Variants in FRMPD1 observed in about 807,000 individuals in gnomAD.
The protein encoded by FRMPD1 is FERM and PDZ domain containing 1, also known as FERM and PDZ domain-containing protein 1.
A neutral mutation model predicts 117.8 loss-of-function variants in FRMPD1; 76 were observed. That is an observed-to-expected ratio of 0.65 (90% CI 0.54 to 0.78). The LOEUF (loss-of-function observed/expected upper bound fraction) is 0.78, where lower values mean the gene tolerates loss of function less well. Ranked by LOEUF, FRMPD1 falls within the 30% of genes least tolerant of loss-of-function variation. The probability of loss-of-function intolerance (pLI) is 0.00; values close to 1 mark genes in which losing one functional copy is unlikely to be tolerated. For synonymous variants in FRMPD1, 783 were observed against 770.4 expected (o/e 1.02, Z -0.27); for missense variants, 1,786 against 1,964.5 (o/e 0.91, Z 1.72).
At chr9:37,685,524 C>A (rs866268238) in intron 1 of FRMPD1, among the ~76,000 whole-genome samples, 6 of 151,564 alleles carry the variant, frequency 4.0e-5, no homozygotes, top group Non-Finnish European at 8.8e-5. Flanking sequence ...TGGTGGCGGG[C>A]GCCTGTAGTC....
the FRMPD1 span, among the ~76,000 whole-genome samples, chr9:37,611,284 C>CT: frequency 1.3e-5 from 2 of 152,064 alleles, no homozygotes; most frequent in Non-Finnish European, 2.9e-5. Flanking sequence ...GTTCACAGAC[C>CT]CTGAAATTGT....
chr9:37,658,441 A>G (rs1237361398), intron 1 of FRMPD1, among the ~76,000 whole-genome samples: 2 of 152,044 alleles, frequency 1.3e-5, no homozygotes, highest in African/African-American at 4.8e-5. Flanking sequence ...TAGGTGCTGT[A>G]TTTTTTCCTG....
intron 2 of FRMPD1, among the ~76,000 whole-genome samples, chr9:37,693,794 C>T (rs1822229781): frequency 6.6e-6 from 1 of 152,194 alleles, no homozygotes; most frequent in Non-Finnish European, 1.5e-5. Flanking sequence ...TCTTTCACCC[C>T]TTGGACCTGG....
chr9:37,618,106 ATGAGGTGCCACTGCTC>A, the FRMPD1 span, among the ~76,000 whole-genome samples: 1 of 152,204 alleles, frequency 6.6e-6, no homozygotes, highest in African/African-American at 2.4e-5. Flanking sequence ...AGGACTGCAA[ATGAGGTGCCACTGCTC>A]TGAGGTGCCA....
At chr9:37,722,110 T>C (rs1003974392) in intron 6 of FRMPD1, among the ~76,000 whole-genome samples, 3 of 152,202 alleles carry the variant, frequency 2.0e-5, no homozygotes, top group African/African-American at 7.2e-5. Flanking sequence ...AGAAGTAAGA[T>C]GGCAGCAGAG....
intron 7 of FRMPD1, among the ~76,000 whole-genome samples, chr9:37,727,492 G>A (rs1478563834): frequency 1.3e-5 from 2 of 152,090 alleles, no homozygotes; most frequent in Non-Finnish European, 2.9e-5. Flanking sequence ...GAACAGATGG[G>A]TGGCAGGAGG....
chr9:37,640,319 T>G, the FRMPD1 span, among the ~76,000 whole-genome samples: 4 of 152,216 alleles, frequency 2.6e-5, no homozygotes, highest in Non-Finnish European at 5.9e-5. Flanking sequence ...AGGGGGTGGC[T>G]GAACCGAGGA....
intron 15 of FRMPD1, 124 bp from the exon 16 acceptor site, chr9:37,744,265 A>G (rs1005964249): frequency 3.0e-6 from 2 of 656,304 alleles, no homozygotes; most frequent in Non-Finnish European, 5.4e-6. Flanking sequence ...TCAGGATTGA[A>G]CTTGCTCAAG....
At chr9:37,626,664 C>T in the FRMPD1 span, among the ~76,000 whole-genome samples, 2 of 87,196 alleles carry the variant, frequency 2.3e-5, no homozygotes, top group Non-Finnish European at 5.0e-5. Context: ...TGGCATTCAT[C>T]TGTAGTCCTA....
intron 1 of FRMPD1, among the ~76,000 whole-genome samples, chr9:37,672,311 A>C (rs973201968): frequency 2.6e-5 from 4 of 152,192 alleles, no homozygotes; most frequent in African/African-American, 9.7e-5. Context: ...TGCCATGAAC[A>C]AAAAAGGAAG....
the FRMPD1 span, among the ~76,000 whole-genome samples, chr9:37,613,011 TACC>T: frequency 7.4e-4 from 112 of 152,338 alleles, no homozygotes; most frequent in African/African-American, 2.6e-3. Context: ...GCAGTTCAAC[TACC>T]ACCAACTGCC....
the FRMPD1 span, among the ~76,000 whole-genome samples, chr9:37,634,360 G>A: frequency 6.6e-6 from 1 of 151,838 alleles, no homozygotes; most frequent in Non-Finnish European, 1.5e-5. Context: ...AGCTTTTCTT[G>A]GTGTAATTTC....
intron 2 of FRMPD1, among the ~76,000 whole-genome samples, chr9:37,701,971 G>A (rs1822549445): frequency 6.6e-6 from 1 of 152,090 alleles, no homozygotes; most frequent in African/African-American, 2.4e-5. Flanking sequence ...TAAGAGTGGA[G>A]GAAAGTCAAG....
chr9:37,708,297 C>T (rs1822785620), intron 3 of FRMPD1, 102 bp from the exon 4 acceptor site: 2 of 699,350 alleles, frequency 2.9e-6, no homozygotes, highest in African/African-American at 3.6e-5. Flanking sequence ...GAGCCAGTGC[C>T]CCTGGGAACT....
At chr9:37,732,546 T>A in intron 10 of FRMPD1, 106 bp downstream of exon 10, 1 of 1,111,568 alleles carries the variant, frequency 9.0e-7, no homozygotes, top group South Asian at 1.7e-5. Flanking sequence ...TACCCATCTG[T>A]CTGTTGTCTT....
intron 2 of FRMPD1, among the ~76,000 whole-genome samples, chr9:37,701,632 G>A (rs1009345643): frequency 6.6e-5 from 10 of 152,004 alleles, no homozygotes; most frequent in African/African-American, 2.4e-4. Flanking sequence ...TAGTTTGACT[G>A]GAACAAAAAT....
At chr9:37,640,779 C>T in the FRMPD1 span, among the ~76,000 whole-genome samples, 576 of 152,326 alleles carry the variant, frequency 3.8e-3, 2 homozygotes, top group African/African-American at 0.013. Context: ...TCAGGTTAAT[C>T]AGCATGTGTA....
chr9:37,742,259 T>C (rs1429254912), intron 15 of FRMPD1, among the ~76,000 whole-genome samples: 33 of 152,216 alleles, frequency 2.2e-4, no homozygotes, highest in Non-Finnish European at 1.2e-4. Flanking sequence ...CCACTTTCCA[T>C]GCCCCAGCCT....
chr9:37,707,640 C>T (rs1245029963), intron 3 of FRMPD1, 67 bp downstream of exon 3: 13 of 1,291,468 alleles, frequency 1.0e-5, no homozygotes, highest in Middle Eastern at 1.9e-4. Context: ...CAAATCTCCC[C>T]GATCTCTCTA....
Sources: allele counts gnomAD v4.1 joint callset (sites outside exome capture counted in the v4.1 genomes callset), GRCh38; gene constraint gnomAD v4.1.1; transcripts MANE v1.5; gene names NCBI Gene and HGNC (gene_info 2026-07-23, HGNC 2026-07-21).